KLF12: variants seen among roughly 807,000 people sequenced by gnomAD.
KLF12 encodes KLF transcription factor 12, also known as Krueppel-like factor 12.
In KLF12, 9 loss-of-function variants were observed where a neutral mutation model predicts 37.8. That is an observed-to-expected ratio of 0.24 (90% CI 0.14 to 0.42). The LOEUF (loss-of-function observed/expected upper bound fraction) is 0.42. Ranked by LOEUF, KLF12 falls within the 10% of genes least tolerant of loss-of-function variation. The probability of loss-of-function intolerance (pLI) is 1.00; values close to 1 mark genes in which losing one functional copy is unlikely to be tolerated. For missense variants in KLF12, 411 were observed against 516.0 expected (o/e 0.80, Z 1.97); for synonymous variants, 208 against 202.1 (o/e 1.03, Z -0.25).
intron 6 of KLF12, among the ~76,000 whole-genome samples, chr13:73,723,799 T>A (rs569586059): frequency 6.6e-6 from 1 of 152,160 alleles, no homozygotes; most frequent in Non-Finnish European, 1.5e-5. Context: ...GAAAAAAAGC[T>A]CATCATCACT....
At chr13:74,233,831 G>A in the KLF12 span, among the ~76,000 whole-genome samples, 1,583 of 152,026 alleles carry the variant, frequency 0.01, 38 homozygotes, top group African/African-American at 0.036. Flanking sequence ...GTAATATTGC[G>A]GGATACAAGC....
At position 73,830,211 on chromosome 13, in the gene KLF12, T is replaced by A. The variant is rs1455677147; in HGVS notation, c.670+15616A>T. Among the ~76,000 whole-genome samples, 5 of 152,190 alleles carry A rather than the reference T, an allele frequency of 3.3e-5. No individual in the cohort carries two copies. In the East Asian group the frequency reaches 7.7e-4, roughly 23 times the overall value. ...TGCATCACCAGTGAGCACTCATTTGTTAGATGATAAATGGGTAATGATCTA... is the reference window on the plus strand; with the variant it reads ...TGCATCACCAGTGAGCACTCATTTGATAGATGATAAATGGGTAATGATCTA... On this transcript the variant is annotated intron_variant, in intron 4 of 7. Transcript: ENST00000377669.
chr13:74,110,976 A>G (rs1392421485), intron 1 of KLF12, among the ~76,000 whole-genome samples: 1 of 152,046 alleles, frequency 6.6e-6, no homozygotes, highest in Non-Finnish European at 1.5e-5. Flanking sequence ...AACATGGTGA[A>G]ACCCCGTCTC....
intron 3 of KLF12, among the ~76,000 whole-genome samples, chr13:73,900,104 C>G (rs976459336): frequency 9.2e-5 from 14 of 152,310 alleles, no homozygotes; most frequent in South Asian, 4.1e-4. Context: ...ATAGCCCTAT[C>G]AGACTCATGA....
intron 1 of KLF12, among the ~76,000 whole-genome samples, chr13:74,052,007 C>A (rs1872954342): frequency 6.6e-6 from 1 of 151,546 alleles, no homozygotes; most frequent in Admixed American, 6.6e-5. Context: ...CAAATATGTA[C>A]AATTATTATG....
chr13:73,990,343 G>A (rs1014505243), intron 2 of KLF12, among the ~76,000 whole-genome samples: 11 of 152,028 alleles, frequency 7.2e-5, no homozygotes, highest in Non-Finnish European at 1.5e-4. Context: ...TGAAGTTCCT[G>A]AACTTTCAGG....
rs565614726 is a variant in KLF12, at chr13:73,939,054, C to A, written c.123+4927G>T. Among the ~76,000 whole-genome samples the A allele has an allele frequency of 3.3e-5, 5 of 152,282 alleles. No homozygotes were observed. The South Asian group carries it at 1.0e-3, about 32-fold the overall frequency. On this transcript the variant is annotated intron_variant, in intron 3 of 7. Coordinates refer to ENST00000377669, the MANE Select transcript of KLF12 (RefSeq NM_007249.5). ...TTCCCTGTTTCTGCCGCACTATTGC[C>A]GCTCTTCTCTGCCGGCCCACGGATC...
chr13:74,210,080 A>G, the KLF12 span, among the ~76,000 whole-genome samples: 1 of 152,298 alleles, frequency 6.6e-6, no homozygotes, highest in East Asian at 1.9e-4. Context: ...CAATATTATA[A>G]AACAGATACC....
At chr13:74,268,831 T>C in the KLF12 span, among the ~76,000 whole-genome samples, 6 of 152,160 alleles carry the variant, frequency 3.9e-5, no homozygotes, top group South Asian at 1.2e-3. Context: ...AAGTGTTCTT[T>C]TGAGTTGGAA....
chr13:74,123,324 A>G (rs1014204153), intron 1 of KLF12, among the ~76,000 whole-genome samples: 1 of 152,266 alleles, frequency 6.6e-6, no homozygotes, highest in African/African-American at 2.4e-5. Flanking sequence ...AGTAAGATTA[A>G]AAGTACTCCA....
chr13:74,154,154 GA>G, the KLF12 span, among the ~76,000 whole-genome samples: 3 of 151,576 alleles, frequency 2.0e-5, no homozygotes, highest in African/African-American at 7.3e-5. Context: ...GGAATTGCTT[GA>G]ACCTGGGAGG....
chr13:73,977,134 T>A (rs1891550033), intron 2 of KLF12, among the ~76,000 whole-genome samples: 1 of 151,154 alleles, frequency 6.6e-6, no homozygotes, highest in Non-Finnish European at 1.5e-5. Context: ...CACTGCAATC[T>A]CCGCTTCCCA....
upstream of KLF12, among the ~76,000 whole-genome samples, chr13:74,137,217 A>G (rs1878588153): frequency 6.6e-6 from 1 of 152,224 alleles, no homozygotes; most frequent in African/African-American, 2.4e-5. Context: ...GAGATGTGAA[A>G]AGTCAGAAAA....
intron 1 of KLF12, among the ~76,000 whole-genome samples, chr13:74,038,875 A>G (rs969272284): frequency 6.6e-6 from 1 of 152,132 alleles, no homozygotes; most frequent in African/African-American, 2.4e-5. Flanking sequence ...CTTAGTTTAA[A>G]ACATGTAAAA....
chr13:74,193,379 A>G, the KLF12 span, among the ~76,000 whole-genome samples: 1 of 152,176 alleles, frequency 6.6e-6, no homozygotes, highest in Non-Finnish European at 1.5e-5. Context: ...TGAGGTAGAA[A>G]CTATTATTAC....
chr13:73,984,937 G>A (rs573942970), intron 2 of KLF12, among the ~76,000 whole-genome samples: 4 of 152,268 alleles, frequency 2.6e-5, no homozygotes, highest in East Asian at 3.9e-4. Flanking sequence ...TTGAATTAAT[G>A]AGCCTGTCTT....
At chr13:73,943,438 G>A (rs912146988) in intron 3 of KLF12, among the ~76,000 whole-genome samples, 2 of 152,008 alleles carry the variant, frequency 1.3e-5, no homozygotes, top group Admixed American at 6.6e-5. Flanking sequence ...GAATTCATTG[G>A]TTTGGCTATG....
In KLF12 at chr13:73,812,942, A is replaced by G. The variant is rs1045014679; in HGVS notation, c.806+210T>C. On this transcript the variant is annotated intron_variant, in intron 5 of 7. Coordinates refer to ENST00000377669, the MANE Select transcript of KLF12 (RefSeq NM_007249.5). ...TAGAAAAGATGCACATAGGTCTTAT[A>G]TCTCATCAAAGCATGAATTTCCAAC... 3 of 535,212 alleles carry G rather than the reference A, an allele frequency of 5.6e-6. No homozygotes were observed. In the Admixed American group the frequency reaches 9.4e-5, roughly 17 times the overall value. The allele number at this position is 535,212 out of a possible 1,614,324, so 33.2% of individuals were successfully genotyped here. A position where few individuals can be genotyped will look rare whatever the true frequency, so the allele number is the denominator to read the frequency against.
chr13:74,175,506 C>T, the KLF12 span, among the ~76,000 whole-genome samples: 1 of 152,246 alleles, frequency 6.6e-6, no homozygotes, highest in Non-Finnish European at 1.5e-5. Flanking sequence ...GCTTTTCATG[C>T]CTTTGAAAAG....
Sources: allele counts gnomAD v4.1 joint callset (sites outside exome capture counted in the v4.1 genomes callset), GRCh38; gene constraint gnomAD v4.1.1; transcripts MANE v1.5; gene names NCBI Gene and HGNC (gene_info 2026-07-23, HGNC 2026-07-21).